Variants in DAP3 observed in about 807,000 individuals in gnomAD.
DAP3 encodes small ribosomal subunit protein mS29.
A neutral mutation model predicts 51.9 loss-of-function variants in DAP3; 28 were observed. The ratio of observed to expected loss-of-function variants is 0.54; its 90% confidence interval spans 0.40 to 0.74. The LOEUF (loss-of-function observed/expected upper bound fraction) is 0.74. DAP3 is among the 30% of genes least tolerant of loss of function. DAP3 has a pLI of 0.00. For missense variants in DAP3, 458 were observed against 483.5 expected (o/e 0.95, Z 0.49); for synonymous variants, 170 against 170.3 (o/e 1.00, Z 0.01).
chr1:155,707,458 A>ATAGACATTT (rs1282518676), intron 1 of DAP3, among the ~76,000 whole-genome samples: 3 of 152,136 alleles, frequency 2.0e-5, no homozygotes, highest in African/African-American at 7.2e-5. Context: ...AATTAATTAC[A>ATAGACATTT]TAGACATTTA....
intron 1 of DAP3, among the ~76,000 whole-genome samples, chr1:155,698,714 C>T (rs1654815311): frequency 6.6e-6 from 1 of 152,120 alleles, no homozygotes; most frequent in South Asian, 2.1e-4. Context: ...AAAATTGTTC[C>T]ACAGCATAAA....
chr1:155,714,777 T>C (rs1657132796), intron 2 of DAP3, among the ~76,000 whole-genome samples: 1 of 150,996 alleles, frequency 6.6e-6, no homozygotes, highest in Non-Finnish European at 1.5e-5. Flanking sequence ...AAAACAAAAG[T>C]GATGGGTACA....
At chr1:155,721,801 G>A in intron 4 of DAP3, 183 bp downstream of exon 4, 1 of 584,880 alleles carries the variant, frequency 1.7e-6, no homozygotes, top group Non-Finnish European at 3.0e-6. Context: ...AAACAATATT[G>A]ATGTTTTCCT....
At chr1:155,728,871 A>G (rs997091468) in intron 7 of DAP3, among the ~76,000 whole-genome samples, 171 bp from the exon 8 acceptor site, 10 of 152,106 alleles carry the variant, frequency 6.6e-5, no homozygotes, top group Admixed American at 2.0e-4. Flanking sequence ...AAAAAAAAAA[A>G]AAAGAAAGAA....
chr1:155,697,353 G>A (rs1654665762), intron 1 of DAP3, among the ~76,000 whole-genome samples: 1 of 152,132 alleles, frequency 6.6e-6, no homozygotes, highest in Admixed American at 6.5e-5. Context: ...GAGACCGGGG[G>A]GATTGGTAGA....
At chr1:155,725,532 T>G (rs1178947701) in intron 5 of DAP3, 42 bp downstream of exon 5, 1 of 1,546,266 alleles carries the variant, frequency 6.5e-7, no homozygotes, top group East Asian at 2.2e-5. Context: ...AACCAATGCT[T>G]TCTCCCCTCA....
intron 6 of DAP3, chr1:155,726,229 T>C: frequency 3.0e-6 from 1 of 334,428 alleles, no homozygotes; most frequent in Non-Finnish European, 5.4e-6. Flanking sequence ...TTCTCCTGCC[T>C]CAGCCTCCCA....
At position 155,721,795 on chromosome 1, in the gene DAP3, A is replaced by T. The variant is rs578183620; in HGVS notation, c.270+177A>T. 6.8e-6 allele frequency: 4 copies of T among 587,554 alleles called. No individual in the cohort carries two copies. In the Admixed American group the frequency reaches 1.2e-4, roughly 17 times the overall value. The allele number at this position is 587,554 out of a possible 1,614,324, so 36.4% of individuals were successfully genotyped here. On this transcript the variant is annotated intron_variant, in intron 4 of 12. Transcript: ENST00000368336. ...AATTACTTTAAGCTCATGTTTAAAC[A>T]ATATTGATGTTTTCCTCCTTGTATA...
intron 1 of DAP3, among the ~76,000 whole-genome samples, chr1:155,706,070 A>C (rs1206911293): frequency 6.6e-6 from 1 of 152,078 alleles, no homozygotes; most frequent in African/African-American, 2.4e-5. Context: ...GTACAGTGGC[A>C]TGATCATAGC....
upstream of DAP3, chr1:155,688,087 A>T (rs1353847467): frequency 6.3e-7 from 1 of 1,592,284 alleles, no homozygotes; most frequent in East Asian, 2.2e-5. Context: ...GGAGGCCGAG[A>T]GCGATGAGAG....
rs187055875 is a variant in DAP3, at chr1:155,718,664, C to T, written c.168+1536C>T. 1.9e-3 allele frequency among the ~76,000 whole-genome samples: 272 copies of T among 142,440 alleles called. 1 individual carries two copies. The highest frequency in any genetic ancestry group is 6.9e-3 in the African/African-American group (261 of 37,730). 93.4% of individuals were successfully genotyped at this position (142,440 alleles called of 152,430 possible). On this transcript the variant is annotated intron_variant, in intron 3 of 12. Transcript: ENST00000368336. ...TCGTGCTACTGCACTCCAGCCTGGGCGACAGTGCAAGACTCTGTCTCAAAA... is the reference window on the plus strand; with the variant it reads ...TCGTGCTACTGCACTCCAGCCTGGGTGACAGTGCAAGACTCTGTCTCAAAA...
intron 11 of DAP3, 123 bp downstream of exon 11, chr1:155,732,156 C>G: frequency 1.4e-6 from 1 of 726,010 alleles, no homozygotes; most frequent in South Asian, 2.2e-5. Flanking sequence ...TCCTGTATGC[C>G]CTTCCCCTGG....
At chr1:155,688,096 A>AG, upstream of DAP3, 1 of 1,601,880 alleles carries the variant, frequency 6.2e-7, no homozygotes, top group Non-Finnish European at 8.5e-7. Context: ...GAGCGATGAG[A>AG]GTACAGGGAA....
chr1:155,688,290 T>C (rs1235940092), upstream of DAP3: 20 of 1,577,040 alleles, frequency 1.3e-5, no homozygotes, highest in Admixed American at 3.8e-4. Context: ...GACACTGGGA[T>C]CGTTTCCCCT....
At chr1:155,724,322 C>G (rs563189123) in intron 4 of DAP3, among the ~76,000 whole-genome samples, 2 of 152,188 alleles carry the variant, frequency 1.3e-5, no homozygotes, top group South Asian at 4.1e-4. Context: ...AGAAAAAAGT[C>G]TAAATGGTTA....
At chr1:155,689,052 C>T (rs1292535062), upstream of DAP3, 5 of 1,546,942 alleles carry the variant, frequency 3.2e-6, no homozygotes, top group East Asian at 2.4e-5. Flanking sequence ...GGCGGCTGCG[C>T]GTTGAGTCGT....
Position 155,729,297 on chromosome 1 carries a change from C to A in DAP3, c.774C>A (p.Leu258=), listed in dbSNP as rs754116737. The A allele has an allele frequency of 6.2e-7, 1 of 1,614,134 alleles. No individual in the cohort carries two copies. Among genetic ancestry groups the A allele is most frequent in the Non-Finnish European group, 8.5e-7 (1 of 1,180,024 alleles). ...AAAGTTCTTTGGGTATGTTTCACCT[C>A]CTAGTGGCCGTGGATGGAATCAATG... is the stretch of plus-strand genomic sequence containing the variant. ...KRQSSLGMFH[L]LVAVDGINAL... Residue 258 remains leucine (L), a synonymous_variant, in exon 9 of 13, where the codon CTC becomes CTA. Transcript: ENST00000368336.
intron 11 of DAP3, among the ~76,000 whole-genome samples, chr1:155,735,499 C>T (rs992669763): frequency 1.3e-5 from 2 of 151,734 alleles, no homozygotes; most frequent in Admixed American, 6.6e-5. Flanking sequence ...ATCGCTTGAA[C>T]CCAGGAGGCA....
chr1:155,727,501 A>G (rs1216602885), intron 6 of DAP3, 107 bp from the exon 7 acceptor site: 6 of 1,235,522 alleles, frequency 4.9e-6, no homozygotes, highest in Admixed American at 2.6e-5. Flanking sequence ...AGAAATATAT[A>G]TATGAGAAAC....
Sources: gnomAD v4.1 joint callset for allele counts (sites outside exome capture counted in the v4.1 genomes callset) on GRCh38, gnomAD v4.1.1 for gene constraint, MANE v1.5 for transcripts, NCBI Gene and HGNC (gene_info 2026-07-23, HGNC 2026-07-21) for gene names.